The following ABHD2 variants were observed in gnomAD, a reference collection of about 807,000 sequenced individuals.
The protein encoded by ABHD2 is abhydrolase domain containing 2, acylglycerol lipase.
ABHD2 carries 20 observed loss-of-function variants against 48.1 expected under a neutral mutation model. That is an observed-to-expected ratio of 0.42 (90% CI 0.29 to 0.60). The LOEUF is 0.60. ABHD2 is among the 20% of genes least tolerant of loss of function. The probability of loss-of-function intolerance (pLI) is 0.24; values close to 1 mark genes in which losing one functional copy is unlikely to be tolerated. For synonymous variants in ABHD2, 209 were observed against 214.2 expected, an observed-to-expected ratio of 0.98 and a Z score of 0.21; for missense variants, 405 against 550.9, an observed-to-expected ratio of 0.74 and a Z score of 2.65.
At chr15:89,042,337 T>G in the ABHD2 span, among the ~76,000 whole-genome samples, 1 of 152,148 alleles carries the variant, frequency 6.6e-6, no homozygotes, top group Non-Finnish European at 1.5e-5. Context: ...CCCTACTCCC[T>G]CAAACATCTT....
chr15:89,156,737 C>A (rs572952584), intron 5 of ABHD2, among the ~76,000 whole-genome samples: 2 of 147,382 alleles, frequency 1.4e-5, no homozygotes, highest in Admixed American at 6.9e-5. Context: ...AAAAAAAAAT[C>A]CTGTTTTAGC....
chr15:89,089,130 A>G (rs1901489028), intron 1 of ABHD2, among the ~76,000 whole-genome samples: 1 of 152,230 alleles, frequency 6.6e-6, no homozygotes, highest in Non-Finnish European at 1.5e-5. Flanking sequence ...CTTTTCCCAC[A>G]GCTAGAGCTG....
the ABHD2 span, among the ~76,000 whole-genome samples, chr15:89,082,323 A>G: frequency 6.6e-6 from 1 of 152,236 alleles, no homozygotes; most frequent in Non-Finnish European, 1.5e-5. This position sits in a 1 kb window ranked among gnomAD's most constrained non-coding sequence, Gnocchi z 4.4. Flanking sequence ...CTCTGCAACT[A>G]TGCGAGGATA....
chr15:89,193,384 T>G (rs567876044), intron 10 of ABHD2, 65 bp downstream of exon 10: 1 of 1,304,768 alleles, frequency 7.7e-7, no homozygotes, highest in East Asian at 2.3e-5. Context: ...TTCTGTCACC[T>G]TCACCATGCT....
At chr15:89,149,125 A>C (rs1467899619) in intron 3 of ABHD2, among the ~76,000 whole-genome samples, 1 of 152,070 alleles carries the variant, frequency 6.6e-6, no homozygotes, top group Non-Finnish European at 1.5e-5. Flanking sequence ...TATTGTCATA[A>C]AATTAAACCT....
chr15:89,071,204 G>A, the ABHD2 span, among the ~76,000 whole-genome samples: 4 of 152,234 alleles, frequency 2.6e-5, no homozygotes, highest in South Asian at 8.3e-4. Context: ...TGGATCACCT[G>A]AGGTCAGGAG....
chr15:89,163,621 G>A (rs1025866366), intron 5 of ABHD2, among the ~76,000 whole-genome samples: 5 of 152,222 alleles, frequency 3.3e-5, no homozygotes, highest in Non-Finnish European at 2.9e-5. Flanking sequence ...CACCTCTGTG[G>A]TAGTGTTCAT....
At chr15:89,079,189 C>G in the ABHD2 span, among the ~76,000 whole-genome samples, 1 of 152,186 alleles carries the variant, frequency 6.6e-6, no homozygotes, top group South Asian at 2.1e-4. This position sits in a 1 kb window ranked among gnomAD's most constrained non-coding sequence, Gnocchi z 4.3. Context: ...AGCAAGAAAA[C>G]TAACATAATT....
At chr15:89,096,065 CTG>C (rs1362262964) in intron 1 of ABHD2, among the ~76,000 whole-genome samples, 1 of 152,204 alleles carries the variant, frequency 6.6e-6, no homozygotes, top group Non-Finnish European at 1.5e-5. Context: ...TAAATGAAGG[CTG>C]TAGCAGTGGT....
Position 89,165,305 on chromosome 15 carries a change from T to TA in ABHD2, c.538+9778dup, listed in dbSNP as rs539993035. Among the ~76,000 whole-genome samples, 144 of 151,786 alleles carry TA rather than the reference T, an allele frequency of 9.5e-4. 1 individual carries two copies. Among genetic ancestry groups the TA allele is most frequent in the Admixed American group, 1.2e-3 (19 of 15,228 alleles). On this transcript the variant is annotated intron_variant, in intron 5 of 10. Coordinates refer to ENST00000352732, the MANE Select transcript of ABHD2 (RefSeq NM_152924.5). ...CCTTCTAAAAAATGTTTTTTTTTTT[T>TA]AAAAAAATTCCTCACACTTAACTTT...
Position 89,201,736 on chromosome 15 carries a change from G to T in ABHD2, c.*6313G>T. 2 of 1,587,572 alleles carry T rather than the reference G, an allele frequency of 1.3e-6. No homozygotes were observed. The highest frequency in any genetic ancestry group is 1.7e-6 in the Non-Finnish European group (2 of 1,156,030). On this transcript the variant is annotated 3_prime_UTR_variant, in exon 11 of 11. Coordinates refer to ENST00000352732, the MANE Select transcript of ABHD2 (RefSeq NM_152924.5). ...TCTGTGAAGGGGCCTTTGAATTTGA[G>T]GTCTATGGGCGGGTCGAGGACCAGG...
chr15:89,123,267 T>C (rs1231112572), intron 3 of ABHD2, among the ~76,000 whole-genome samples: 1 of 152,198 alleles, frequency 6.6e-6, no homozygotes, highest in African/African-American at 2.4e-5. Flanking sequence ...CCATAGACCA[T>C]AATGGATTCA....
rs1182726463 is a variant in ABHD2 at position 89,148,017 on chromosome 15, G to A, written c.195-3660G>A. ...GCCTGTAATCTGAGCTTCTAGGGAG[G>A]CTGAGGCAAGAGAATCTGTTGGACC... On this transcript the variant is annotated intron_variant, in intron 3 of 10. Coordinates refer to ENST00000352732, the MANE Select transcript of ABHD2 (RefSeq NM_152924.5). 2.6e-5 allele frequency among the ~76,000 whole-genome samples: 4 copies of A among 151,050 alleles called. No homozygotes were observed. In the East Asian group the frequency reaches 7.9e-4, roughly 30 times the overall value.
At chr15:89,101,489 C>G (rs1165394299) in intron 1 of ABHD2, among the ~76,000 whole-genome samples, 1 of 152,138 alleles carries the variant, frequency 6.6e-6, no homozygotes, top group East Asian at 1.9e-4. Context: ...GTTCAGAGAA[C>G]CACAATGATA....
Position 89,201,706 on chromosome 15 carries a change from C to G in ABHD2, c.*6283C>G. Reference sequence around the variant, plus strand: ...TTTCGCAATTTAAGATTTGTAGTGACTACATCTGTGAAGGGGCCTTTGAAT... The same window carrying G: ...TTTCGCAATTTAAGATTTGTAGTGAGTACATCTGTGAAGGGGCCTTTGAAT... On this transcript the variant is annotated 3_prime_UTR_variant, in exon 11 of 11. Transcript: ENST00000352732. The G allele has an allele frequency of 6.2e-7, 1 of 1,607,944 alleles. No individual in the cohort carries two copies. Among genetic ancestry groups the G allele is most frequent in the South Asian group, 1.1e-5 (1 of 90,958 alleles).
intron 3 of ABHD2, among the ~76,000 whole-genome samples, chr15:89,147,688 A>G (rs917953470): frequency 7.2e-5 from 11 of 152,142 alleles, no homozygotes; most frequent in Admixed American, 3.3e-4. Context: ...CAAAACACAA[A>G]GGTTTTAACA....
In ABHD2 at chr15:89,179,138, G is replaced by T. The variant is rs973902093; in HGVS notation, c.722+3143G>T. Among the ~76,000 whole-genome samples, 4 of 152,170 alleles carry T rather than the reference G, an allele frequency of 2.6e-5. No individual in the cohort carries two copies. The highest frequency in any genetic ancestry group is 7.2e-5 in the African/African-American group (3 of 41,440). On this transcript the variant is annotated intron_variant, in intron 6 of 10. Coordinates refer to ENST00000352732, the MANE Select transcript of ABHD2 (RefSeq NM_152924.5). This position sits in a 1 kb window ranked among gnomAD's most constrained non-coding sequence, Gnocchi z 4.3. ...CCAAGGAGGTCCTCAGTCAAGTGGG[G>T]GGTCCATGAGGAGGGATTTCTGAAG...
In ABHD2 at chr15:89,179,362, A is replaced by G. The variant is rs1163424472; in HGVS notation, c.722+3367A>G. ...AGTCTCATTCCCCATTGATCACATT[A>G]CTGCCTGAGTTCCGCCTCCTGTCAG... is the stretch of plus-strand genomic sequence containing the variant. On this transcript the variant is annotated intron_variant, in intron 6 of 10. Coordinates refer to ENST00000352732, the MANE Select transcript of ABHD2 (RefSeq NM_152924.5). This position sits in a 1 kb window ranked among gnomAD's most constrained non-coding sequence, Gnocchi z 4.3. Among the ~76,000 whole-genome samples, 1 of 152,198 alleles carries G rather than the reference A, an allele frequency of 6.6e-6. No homozygotes were observed. The highest frequency in any genetic ancestry group is 1.5e-5 in the Non-Finnish European group (1 of 68,032).
chr15:89,058,278 C>T, the ABHD2 span, among the ~76,000 whole-genome samples: 1 of 152,158 alleles, frequency 6.6e-6, no homozygotes, highest in Non-Finnish European at 1.5e-5. Context: ...TGTGGATACT[C>T]CAGCTCACAC....
Sources: allele counts gnomAD v4.1 joint callset (sites outside exome capture counted in the v4.1 genomes callset), GRCh38; gene constraint gnomAD v4.1.1; non-coding constraint Gnocchi (gnomAD v3.1); transcripts MANE v1.5; gene names NCBI Gene and HGNC (gene_info 2026-07-23, HGNC 2026-07-21).